HECW2: variants seen among roughly 807,000 people sequenced by gnomAD.
HECW2 encodes E3 ubiquitin-protein ligase HECW2.
A neutral mutation model predicts 175.2 loss-of-function variants in HECW2; 61 were observed. That is an observed-to-expected ratio of 0.35 (90% CI 0.28 to 0.43). HECW2 has a LOEUF of 0.43. Ranked by LOEUF, HECW2 falls within the 20% of genes least tolerant of loss-of-function variation. The pLI is 1.00. For missense variants in HECW2, 1,524 were observed against 2,000.5 expected, an observed-to-expected ratio of 0.76 and a Z score of 4.54; for synonymous variants, 671 against 731.0, an observed-to-expected ratio of 0.92 and a Z score of 1.32.
intron 22 of HECW2, among the ~76,000 whole-genome samples, chr2:196,227,256 T>C (rs1175872177): frequency 6.6e-6 from 1 of 152,226 alleles, no homozygotes; most frequent in South Asian, 2.1e-4. Flanking sequence ...GCTTTTTCCA[T>C]GAATCCTGCT....
Position 196,371,871 on chromosome 2 carries a change from C to T in HECW2, c.293-28107G>A, listed in dbSNP as rs372138416. On this transcript the variant is annotated intron_variant, in intron 2 of 28. Transcript: ENST00000644978. ...TTACTGTGAATCTGTCAGCAATGAA[C>T]GATCTCTGTTTTCTGTGAATCTACC... 5.3e-4 allele frequency among the ~76,000 whole-genome samples: 81 copies of T among 152,296 alleles called. 1 individual carries two copies. The South Asian group carries it at 0.013, about 25-fold the overall frequency.
chr2:196,384,620 A>T (rs1694298680), intron 2 of HECW2, among the ~76,000 whole-genome samples: 1 of 152,196 alleles, frequency 6.6e-6, no homozygotes, highest in Non-Finnish European at 1.5e-5. Flanking sequence ...GGCAAATAAA[A>T]TAGCAGAAGT....
chr2:196,526,864 A>T (rs1688674093), intron 1 of HECW2, among the ~76,000 whole-genome samples: 1 of 151,870 alleles, frequency 6.6e-6, no homozygotes, highest in Admixed American at 6.6e-5. Flanking sequence ...TGCTGGGAGA[A>T]CCACTGCTCT....
At position 196,206,132 on chromosome 2, in the gene HECW2, C is replaced by A. The variant is rs1354318309; in HGVS notation, c.4608-4744G>T. 3.3e-5 allele frequency among the ~76,000 whole-genome samples: 5 copies of A among 152,140 alleles called. No homozygotes were observed. In the East Asian group the frequency reaches 9.6e-4, roughly 29 times the overall value. ...CCCTGGACTGTGTTGATGTTGGCAG[C>A]AAAAGTGCATCCAGCTATTCAGTCT... is the stretch of plus-strand genomic sequence containing the variant. On this transcript the variant is annotated intron_variant, in intron 28 of 28. Transcript: ENST00000644978.
At chr2:196,520,350 T>G (rs1688316540) in intron 1 of HECW2, among the ~76,000 whole-genome samples, 1 of 151,982 alleles carries the variant, frequency 6.6e-6, no homozygotes, top group Non-Finnish European at 1.5e-5. Flanking sequence ...AGACCCTACC[T>G]ATAGTCTCTG....
chr2:196,525,694 A>C (rs1413578294), intron 1 of HECW2, among the ~76,000 whole-genome samples: 4 of 151,092 alleles, frequency 2.6e-5, no homozygotes, highest in Non-Finnish European at 5.9e-5. Context: ...ATCTCTCAGC[A>C]TTTGCTTGTC....
At chr2:196,222,445 C>G in intron 23 of HECW2, 105 bp from the exon 24 acceptor site, 4 of 983,126 alleles carry the variant, frequency 4.1e-6, no homozygotes, top group Non-Finnish European at 5.9e-6. Context: ...ATAAGAGCCA[C>G]TACATAGGCA....
chr2:196,423,708 G>GTGTGTGTGTA (rs758962415), intron 2 of HECW2, among the ~76,000 whole-genome samples: 5 of 151,516 alleles, frequency 3.3e-5, no homozygotes, highest in African/African-American at 1.2e-4. Context: ...GTGTGTGTGT[G>GTGTGTGTGTA]TGTGTGTTTA....
intron 1 of HECW2, among the ~76,000 whole-genome samples, chr2:196,434,629 A>T (rs1695816827): frequency 6.6e-6 from 1 of 152,188 alleles, no homozygotes; most frequent in African/African-American, 2.4e-5. Flanking sequence ...CTTTACATAG[A>T]ATTGATCTGA....
intron 13 of HECW2, among the ~76,000 whole-genome samples, chr2:196,304,305 G>A (rs954913374): frequency 6.6e-6 from 1 of 151,990 alleles, no homozygotes; most frequent in Non-Finnish European, 1.5e-5. Context: ...CCCTTGGAAA[G>A]GCCTTCCTGT....
intron 1 of HECW2, among the ~76,000 whole-genome samples, chr2:196,499,446 T>C (rs985931546): frequency 4.6e-5 from 7 of 152,154 alleles, no homozygotes; most frequent in African/African-American, 1.7e-4. Flanking sequence ...ATAATATAAA[T>C]AATTTACATT....
chr2:196,488,158 C>T (rs373199218), intron 1 of HECW2, among the ~76,000 whole-genome samples: 26 of 152,292 alleles, frequency 1.7e-4, no homozygotes, highest in African/African-American at 6.0e-4. Context: ...AGTCAGCTTG[C>T]TAATATTCTC....
At chr2:196,400,793 G>A (rs1245191080) in intron 2 of HECW2, among the ~76,000 whole-genome samples, 1 of 148,268 alleles carries the variant, frequency 6.7e-6, no homozygotes, top group Non-Finnish European at 1.5e-5. Context: ...CTCTCTCTGA[G>A]CCACTAACCC....
intron 1 of HECW2, among the ~76,000 whole-genome samples, chr2:196,526,768 A>G (rs371104597): frequency 4.0e-5 from 6 of 151,744 alleles, no homozygotes; most frequent in African/African-American, 9.7e-5. Context: ...CTGCTGGGGG[A>G]TGCCTCCCAG....
At chr2:196,578,251 T>C (rs1240773058) in intron 1 of HECW2, among the ~76,000 whole-genome samples, 1 of 152,094 alleles carries the variant, frequency 6.6e-6, no homozygotes, top group Non-Finnish European at 1.5e-5. Flanking sequence ...GGTTCAATAG[T>C]AGATTTGAAC....
chr2:196,252,202 T>TAATAATAATAAC (rs1688882108), intron 19 of HECW2, among the ~76,000 whole-genome samples: 1 of 142,750 alleles, frequency 7.0e-6, no homozygotes, highest in Non-Finnish European at 1.5e-5. Flanking sequence ...ATAATAATAA[T>TAATAATAATAAC]AATAATAATA....
chr2:196,542,044 A>G (rs1053538838), intron 1 of HECW2, among the ~76,000 whole-genome samples: 3 of 152,042 alleles, frequency 2.0e-5, no homozygotes, highest in African/African-American at 7.2e-5. Context: ...TGGGCGGATC[A>G]CGAGGTCAGG....
chr2:196,304,598 G>A (rs1691191481), intron 13 of HECW2, among the ~76,000 whole-genome samples: 1 of 152,108 alleles, frequency 6.6e-6, no homozygotes, highest in Non-Finnish European at 1.5e-5. Context: ...ATGAACAAAT[G>A]AACAAAAAAC....
rs755174140 is a variant in HECW2, at chr2:196,319,318, A to G, written c.1572T>C (p.Ala524=). The change falls in exon 9 of 29, where the codon GCT becomes GCC. Residue 524 remains alanine, a synonymous_variant. Coordinates refer to ENST00000644978, the MANE Select transcript of HECW2 (RefSeq NM_001348768.2). ...GATTTTCTGGCTTATCCTCAAAGGA[A>G]GCAGCTTCGTGTGTGGAGGCTTCCT... ...ENEEASTHEA[A]SFEDKPENLP... is the part of the protein sequence containing the mutation. 6.2e-7 allele frequency: 1 copy of G among 1,613,926 alleles called. No individual in the cohort carries two copies. Among genetic ancestry groups the G allele is most frequent in the South Asian group, 1.1e-5 (1 of 90,990 alleles).
Sources: allele counts gnomAD v4.1 joint callset (sites outside exome capture counted in the v4.1 genomes callset), GRCh38; gene constraint gnomAD v4.1.1; transcripts MANE v1.5; gene names NCBI Gene and HGNC (gene_info 2026-07-23, HGNC 2026-07-21).